The following FOCAD variants were observed in gnomAD, a reference collection of about 807,000 sequenced individuals.
The protein encoded by FOCAD is KIAA1797.
Under a neutral mutation model 225.6 loss-of-function variants are expected in FOCAD, and 198 were observed. The ratio of observed to expected loss-of-function variants is 0.88; its 90% CI spans 0.78 to 0.99. The LOEUF (loss-of-function observed/expected upper bound fraction) is 0.99. FOCAD is among the 50% of genes least tolerant of loss of function. The pLI, the probability that FOCAD is intolerant of heterozygous loss-of-function variation, is 0.00. For synonymous variants in FOCAD, 897 were observed against 755.0 expected, an observed-to-expected ratio of 1.19 and a Z score of -3.08; for missense variants, 2,713 against 2,123.6, an observed-to-expected ratio of 1.28 and a Z score of -5.46.
intron 5 of FOCAD, among the ~76,000 whole-genome samples, chr9:20,743,397 T>C (rs1219378902): frequency 1.3e-5 from 2 of 152,212 alleles, no homozygotes; most frequent in Non-Finnish European, 2.9e-5. Flanking sequence ...TTCTTTTTCT[T>C]CTAATAGCTG....
chr9:20,817,696 C>G (rs903498391), intron 11 of FOCAD, among the ~76,000 whole-genome samples: 6 of 151,654 alleles, frequency 4.0e-5, no homozygotes, highest in African/African-American at 1.5e-4. Flanking sequence ...CAAGGTTCAT[C>G]CATGTTGTAG....
intron 11 of FOCAD, among the ~76,000 whole-genome samples, chr9:20,803,080 C>T (rs191709085): frequency 6.6e-6 from 1 of 152,018 alleles, no homozygotes; most frequent in African/African-American, 2.4e-5. Flanking sequence ...TATTTAGTGT[C>T]AGATTGTGTT....
chr9:20,964,453 C>G (rs1469015772), intron 35 of FOCAD, among the ~76,000 whole-genome samples: 1 of 152,102 alleles, frequency 6.6e-6, no homozygotes, highest in Non-Finnish European at 1.5e-5. Context: ...TTCTTGAACT[C>G]CCAGTATTAC....
At position 20,822,725 on chromosome 9, in the gene FOCAD, T is replaced by A. The variant is rs562578896; in HGVS notation, c.1794-264T>A. ...CTTGAGTTTTTCTCAATTCAGACAA[T>A]AGGATTTGTGATTTAGAGTGAATGA... On this transcript the variant is annotated intron_variant, in intron 14 of 43. Coordinates refer to ENST00000338382, the MANE Select transcript of FOCAD (RefSeq NM_001375567.1). Among the ~76,000 whole-genome samples, 78 of 152,112 alleles carry A rather than the reference T, an allele frequency of 5.1e-4. 1 individual carries two copies. The South Asian group carries it at 0.014, about 28-fold the overall frequency.
At chr9:20,679,630 G>A (rs1407723488), upstream of FOCAD, among the ~76,000 whole-genome samples, 1 of 151,934 alleles carries the variant, frequency 6.6e-6, no homozygotes, top group Non-Finnish European at 1.5e-5. Flanking sequence ...ACTTCAAAAT[G>A]TGTGCTTATC....
chr9:20,988,641 C>G (rs564013469), intron 41 of FOCAD, among the ~76,000 whole-genome samples: 1 of 152,038 alleles, frequency 6.6e-6, no homozygotes, highest in Non-Finnish European at 1.5e-5. Flanking sequence ...TAATGATTCT[C>G]TGATGCCGCA....
intron 28 of FOCAD, among the ~76,000 whole-genome samples, chr9:20,943,197 A>T (rs114567613): frequency 2.1e-3 from 321 of 152,332 alleles, no homozygotes; most frequent in African/African-American, 7.3e-3. Context: ...GAGATCTTAG[A>T]TGTTGATTTA....
chr9:20,754,456 T>C (rs895795886), intron 5 of FOCAD, among the ~76,000 whole-genome samples: 5 of 152,184 alleles, frequency 3.3e-5, no homozygotes, highest in Admixed American at 3.3e-4. Context: ...TCCAGTTTGA[T>C]AACTATATTT....
At chr9:20,944,223 T>G (rs560476168) in intron 28 of FOCAD, among the ~76,000 whole-genome samples, 5 of 152,334 alleles carry the variant, frequency 3.3e-5, no homozygotes, top group African/African-American at 1.2e-4. Context: ...TTTTAGTCTT[T>G]TCTCTCCTTA....
Position 20,934,677 on chromosome 9 carries a change from G to A in FOCAD, c.3407+1574G>A, listed in dbSNP as rs374099532. The stretch of plus-strand genomic sequence containing the variant: ...ATAGTTTGAAATCAGGTAATGTGAT[G>A]CCTCCAGATTTGTTCTTTTTGCCTA... On this transcript the variant is annotated intron_variant, in intron 28 of 43. Transcript: ENST00000338382. 2.6e-5 allele frequency among the ~76,000 whole-genome samples: 4 copies of A among 152,204 alleles called. No homozygotes were observed. The East Asian group carries it at 5.8e-4, about 22-fold the overall frequency.
intron 1 of FOCAD, among the ~76,000 whole-genome samples, chr9:20,688,112 C>T (rs1251079978): frequency 6.6e-6 from 1 of 152,140 alleles, no homozygotes; most frequent in African/African-American, 2.4e-5. Context: ...AGTTCTCTTC[C>T]ACACCGTGTT....
In FOCAD at chr9:20,821,130, T is replaced by G. The variant is rs547394023; in HGVS notation, c.1793+59T>G. ...ATGATATATTATTTTGTATTTAATT[T>G]TTTAATTGCAAGCAAGAGGCAAGAA... On this transcript the variant is annotated intron_variant, in intron 14 of 43. Coordinates refer to ENST00000338382, the MANE Select transcript of FOCAD (RefSeq NM_001375567.1). 1.5e-4 allele frequency: 230 copies of G among 1,506,016 alleles called. 2 individuals are homozygous for G. The South Asian group carries it at 2.8e-3, about 18-fold the overall frequency. The allele number at this position is 1,506,016 out of a possible 1,614,324, so 93.3% of individuals were successfully genotyped here.
chr9:20,794,952 GAA>G (rs1563999193), intron 11 of FOCAD, among the ~76,000 whole-genome samples: 1 of 151,936 alleles, frequency 6.6e-6, no homozygotes, highest in African/African-American at 2.4e-5. Context: ...ATACAAAATT[GAA>G]AACGAATCTA....
intron 18 of FOCAD, among the ~76,000 whole-genome samples, chr9:20,870,717 G>C (rs575793057): frequency 1.3e-5 from 2 of 152,114 alleles, no homozygotes; most frequent in African/African-American, 4.8e-5. Context: ...AGATGTTTCT[G>C]CCCATCTGTA....
At chr9:20,717,667 C>A (rs1293399710) in intron 2 of FOCAD, 127 bp from the exon 3 acceptor site, 9 of 678,526 alleles carry the variant, frequency 1.3e-5, no homozygotes, top group Non-Finnish European at 5.0e-6. Flanking sequence ...TTCTACATAG[C>A]ACACACTTAG....
chr9:20,703,593 G>C (rs185263730), intron 1 of FOCAD, among the ~76,000 whole-genome samples: 1 of 151,518 alleles, frequency 6.6e-6, no homozygotes, highest in Non-Finnish European at 1.5e-5. Context: ...TTTCTCTCTA[G>C]TGACTTGCAT....
intron 15 of FOCAD, among the ~76,000 whole-genome samples, chr9:20,856,243 C>T (rs1828170026): frequency 6.6e-6 from 1 of 151,976 alleles, no homozygotes; most frequent in Admixed American, 6.6e-5. Context: ...CCTTTCTCCA[C>T]ATTCTCACCA....
At chr9:20,768,158 G>A (rs879767325) in intron 7 of FOCAD, among the ~76,000 whole-genome samples, 153 of 148,062 alleles carry the variant, frequency 1.0e-3, no homozygotes, top group East Asian at 2.6e-3. Context: ...TTATTTCTGA[G>A]GGCTCTGTTC....
At chr9:20,846,447 A>G (rs1280544724) in intron 15 of FOCAD, among the ~76,000 whole-genome samples, 1 of 152,098 alleles carries the variant, frequency 6.6e-6, no homozygotes, top group Non-Finnish European at 1.5e-5. Flanking sequence ...AAACTGTTTT[A>G]GCAGCCAAAA....
Sources: allele counts gnomAD v4.1 joint callset (sites outside exome capture counted in the v4.1 genomes callset), GRCh38; gene constraint gnomAD v4.1.1; transcripts MANE v1.5; gene names NCBI Gene and HGNC (gene_info 2026-07-23, HGNC 2026-07-21).